Variants in WT1 observed in about 807,000 individuals in gnomAD.
The protein encoded by WT1 is WT1 transcription factor.
In WT1, 8 loss-of-function variants were observed where a neutral mutation model predicts 60.8. That is an observed-to-expected ratio of 0.13 (90% CI 0.08 to 0.24). The LOEUF (loss-of-function observed/expected upper bound fraction) is 0.24. WT1 is among the 10% of genes least tolerant of loss of function. WT1 has a pLI of 1.00. For missense variants in WT1, 568 were observed against 711.8 expected (o/e 0.80, Z 2.30); for synonymous variants, 312 against 297.1 (o/e 1.05, Z -0.52).
rs905233609 is a variant in WT1 at position 32,428,698 on chromosome 11, C to G, written c.662-79G>C. ...GCAGTGGGTCTGAACCAGCCACGGGCGGGGGGGGTGTGCGCTGAACCCCGC... is the reference window on the plus strand; with the variant it reads ...GCAGTGGGTCTGAACCAGCCACGGGGGGGGGGGGTGTGCGCTGAACCCCGC... On this transcript the variant is annotated intron_variant, in intron 1 of 9. Coordinates refer to ENST00000452863, the MANE Select transcript of WT1 (RefSeq NM_024426.6). 7.1e-5 allele frequency: 108 copies of G among 1,528,492 alleles called. 1 individual carries two copies. The highest frequency in any genetic ancestry group is 1.9e-4 in the African/African-American group (13 of 70,070). 94.7% of individuals were successfully genotyped at this position (1,528,492 alleles called of 1,614,324 possible). A position where few individuals can be genotyped will look rare whatever the true frequency, so the allele number is the denominator to read the frequency against.
chr11:32,401,247 A>G (rs958173759), intron 5 of WT1, among the ~76,000 whole-genome samples: 2 of 152,224 alleles, frequency 1.3e-5, no homozygotes, highest in Non-Finnish European at 2.9e-5. Flanking sequence ...AGCCATTCAC[A>G]GAAGACCACA....
intron 3 of WT1, among the ~76,000 whole-genome samples, chr11:32,424,515 T>A (rs915551241): frequency 2.0e-5 from 3 of 152,206 alleles, no homozygotes; most frequent in Non-Finnish European, 2.9e-5. Flanking sequence ...CCAACAATGA[T>A]CACTGGGTTC....
intron 9 of WT1, among the ~76,000 whole-genome samples, chr11:32,389,902 ATAAC>A (rs1851767528): frequency 6.6e-6 from 1 of 152,208 alleles, no homozygotes; most frequent in Non-Finnish European, 1.5e-5. Context: ...ATTAGGGAGA[ATAAC>A]TACCATTTAT....
intron 5 of WT1, chr11:32,400,287 C>G (rs1852115644): frequency 1.7e-6 from 1 of 576,956 alleles, no homozygotes; most frequent in South Asian, 1.9e-5. Context: ...TGCACCGTCA[C>G]GGTCTAGGTC....
chr11:32,424,453 G>A (rs1021886548), intron 3 of WT1, among the ~76,000 whole-genome samples: 21 of 152,134 alleles, frequency 1.4e-4, no homozygotes, highest in African/African-American at 5.1e-4. Flanking sequence ...GCAACATATA[G>A]TCAGCATGCA....
intron 1 of WT1, chr11:32,430,462 G>C (rs1465719732): frequency 8.7e-7 from 1 of 1,149,080 alleles, no homozygotes; most frequent in Non-Finnish European, 1.2e-6. Flanking sequence ...GAGGGAGAGA[G>C]AGAGAGAGAG....
chr11:32,392,313 C>T (rs373170610), intron 8 of WT1, among the ~76,000 whole-genome samples: 8 of 152,326 alleles, frequency 5.3e-5, no homozygotes, highest in African/African-American at 1.9e-4. Context: ...TCCAGCTTCT[C>T]ACCAGCTGGA....
chr11:32,393,701 A>G (rs1221649677), intron 7 of WT1, among the ~76,000 whole-genome samples: 1 of 152,086 alleles, frequency 6.6e-6, no homozygotes. Flanking sequence ...CCCCATCCCT[A>G]TCTCCACATC....
At chr11:32,416,592 G>T in intron 4 of WT1, 52 bp from the exon 5 acceptor site, 1 of 1,608,722 alleles carries the variant, frequency 6.2e-7, no homozygotes, top group South Asian at 1.1e-5. Flanking sequence ...CATGGATCTG[G>T]CAAGCCCCCC....
At chr11:32,417,280 A>G (rs974301012) in intron 4 of WT1, 1 of 413,016 alleles carries the variant, frequency 2.4e-6, no homozygotes, top group Non-Finnish European at 4.4e-6. Context: ...ATAGTAAAAC[A>G]CAATTATTAA....
At position 32,426,685 on chromosome 11, in the gene WT1, A is replaced by G. The variant is rs918874910; in HGVS notation, c.887+1271T>C. Among the ~76,000 whole-genome samples, 76 of 151,250 alleles carry G rather than the reference A, an allele frequency of 5.0e-4. 1 individual carries two copies. The highest frequency in any genetic ancestry group is 3.3e-4 in the Admixed American group (5 of 15,256). Reference sequence around the variant, plus strand: ...ATAGATAAACCGGATGTTCCGGGGGAAAAAAAGGAAAAAAAAAGGTTTCTC... The same window carrying G: ...ATAGATAAACCGGATGTTCCGGGGGGAAAAAAGGAAAAAAAAAGGTTTCTC... On this transcript the variant is annotated intron_variant, in intron 3 of 9. Transcript: ENST00000452863.
rs1315549918 is a variant in WT1 at position 32,389,159 on chromosome 11, G to A, written c.1468C>T (p.Arg490Trp). Residue 490 changes from arginine (R) to tryptophan (W), a missense_variant, in exon 10 of 10, where the codon CGG becomes TGG. Coordinates refer to ENST00000452863, the MANE Select transcript of WT1 (RefSeq NM_024426.6). The stretch of plus-strand genomic sequence containing the variant: ...AACTTTTTCTGACAACTTGGCCACC[G>A]ACAGCTGAAGGGCTTTTCACCTGTT... 8 of 1,614,086 alleles carry A rather than the reference G, an allele frequency of 5.0e-6. No individual in the cohort carries two copies. Among genetic ancestry groups the A allele is most frequent in the Middle Eastern group, 1.7e-4 (1 of 6,058 alleles).
At chr11:32,391,250 G>A (rs1314807105) in intron 9 of WT1, among the ~76,000 whole-genome samples, 1 of 152,150 alleles carries the variant, frequency 6.6e-6, no homozygotes, top group East Asian at 1.9e-4. Flanking sequence ...CCAAATAGCT[G>A]GGATTACAGG....
intron 6 of WT1, among the ~76,000 whole-genome samples, chr11:32,397,053 C>T (rs940941659): frequency 2.0e-5 from 3 of 152,236 alleles, no homozygotes; most frequent in Admixed American, 2.0e-4. Context: ...CATCTGCCTT[C>T]TGTGCTCTGC....
chr11:32,392,520 A>T (rs1277623722), intron 8 of WT1, 146 bp downstream of exon 8: 4 of 808,588 alleles, frequency 4.9e-6, no homozygotes, highest in Non-Finnish European at 8.4e-6. Context: ...GAGGAGGAAC[A>T]TCTCCAGAGA....
intron 6 of WT1, 113 bp from the exon 7 acceptor site, chr11:32,396,520 G>T: frequency 7.1e-7 from 1 of 1,400,646 alleles, no homozygotes; most frequent in Non-Finnish European, 9.8e-7. Context: ...GGCAGGTGCA[G>T]ACCTAAAACC....
intron 5 of WT1, among the ~76,000 whole-genome samples, chr11:32,405,616 A>G (rs1411768455): frequency 7.6e-6 from 1 of 131,746 alleles, no homozygotes; most frequent in Non-Finnish European, 1.6e-5. Context: ...ATTAAGTTCC[A>G]TCACCTTACA....
chr11:32,408,903 C>A (rs1264277847), intron 5 of WT1, among the ~76,000 whole-genome samples: 1 of 152,196 alleles, frequency 6.6e-6, no homozygotes, highest in African/African-American at 2.4e-5. Flanking sequence ...CCACAGATTG[C>A]TGGACTTGAA....
At chr11:32,408,605 G>A (rs1249627640) in intron 5 of WT1, among the ~76,000 whole-genome samples, 2 of 149,454 alleles carry the variant, frequency 1.3e-5, no homozygotes, top group African/African-American at 2.5e-5. Context: ...GAGAGAGAGA[G>A]AGGAAGAAAG....
Sources: gnomAD v4.1 joint callset for allele counts (sites outside exome capture counted in the v4.1 genomes callset) on GRCh38, gnomAD v4.1.1 for gene constraint, MANE v1.5 for transcripts, NCBI Gene and HGNC (gene_info 2026-07-23, HGNC 2026-07-21) for gene names.